The following EIF2AK1 variants were observed in gnomAD, a reference collection of about 807,000 sequenced individuals.
EIF2AK1 encodes eukaryotic translation initiation factor 2 alpha kinase 1.
A neutral mutation model predicts 77.9 loss-of-function variants in EIF2AK1; 54 were observed. The observed-to-expected ratio is 0.69, with a 90% CI of 0.56 to 0.87. The LOEUF is 0.87. EIF2AK1 is among the 40% of genes least tolerant of loss of function. The pLI is 0.00. For synonymous variants in EIF2AK1, 314 were observed against 290.5 expected (o/e 1.08, Z -0.82); for missense variants, 810 against 768.6 (o/e 1.05, Z -0.64).
At position 6,044,607 on chromosome 7, in the gene EIF2AK1, A is replaced by G. The variant is rs1278947660; in HGVS notation, c.685T>C (p.Tyr229His). ...ACATGTTCTATCCACGCGGTGTGAT[A>G]GCCAACAATATTGGGGTGCTGAAGA... is the stretch of plus-strand genomic sequence containing the variant. The part of the protein sequence containing the change: ...AGLQHPNIVG[Y>H]HTAWIEHVHV... The change falls in exon 7 of 15, where the codon TAT becomes CAT. Residue 229 changes from tyrosine (Y) to histidine (H), a missense_variant. Physicochemically the swap from Tyr to His is moderately conservative, Grantham distance 83. Coordinates refer to ENST00000199389, the MANE Select transcript of EIF2AK1 (RefSeq NM_014413.4). 6.2e-7 allele frequency: 1 copy of G among 1,614,008 alleles called. No individual in the cohort carries two copies. The highest frequency in any genetic ancestry group is 8.5e-7 in the Non-Finnish European group (1 of 1,180,016).
In EIF2AK1 at chr7:6,023,211, G is replaced by C; in HGVS notation, c.*1462C>G. Reference sequence around the variant, plus strand: ...ACACCCTTTCCCATGTCATCAGTCTGTGGTGTTTGGTGACTGTCCCCTTCC... The same window carrying C: ...ACACCCTTTCCCATGTCATCAGTCTCTGGTGTTTGGTGACTGTCCCCTTCC... On this transcript the variant is annotated 3_prime_UTR_variant, in exon 15 of 15. Coordinates refer to ENST00000199389, the MANE Select transcript of EIF2AK1 (RefSeq NM_014413.4). 7.2e-7 allele frequency: 1 copy of C among 1,389,258 alleles called. No homozygotes were observed. The highest frequency in any genetic ancestry group is 9.7e-7 in the Non-Finnish European group (1 of 1,033,614). The allele number at this position is 1,389,258 out of a possible 1,614,324, so 86.1% of individuals were successfully genotyped here.
rs530830725 is a variant in EIF2AK1, at chr7:6,044,579, T to C, written c.713A>G (p.His238Arg). 4.3e-6 allele frequency: 7 copies of C among 1,613,558 alleles called. No individual in the cohort carries two copies. The South Asian group carries it at 6.6e-5, about 15-fold the overall frequency. ...GYHTAWIEHV[H>R]VIQPRADRAA... is the part of the protein sequence containing the mutation. The stretch of plus-strand genomic sequence containing the variant: ...CGGCTTACCTCGTGGCTGAATCACA[T>C]GAACATGTTCTATCCACGCGGTGTG... Residue 238 changes from histidine (H) to arginine (R), a missense_variant, in exon 7 of 15, where the codon CAT becomes CGT. Physicochemically the swap from His to Arg is conservative, Grantham distance 29 (BLOSUM62 0). Around this residue, in one of 3 missense-constraint regions of EIF2AK1, gnomAD observed 549 missense variants for 533.7 expected, o/e 1.03. Transcript: ENST00000199389.
At position 6,059,114 on chromosome 7, in the gene EIF2AK1, C is replaced by T. The variant is rs1451575198; in HGVS notation, c.-31G>A. 1.5e-6 allele frequency: 2 copies of T among 1,331,142 alleles called. No homozygotes were observed. Among genetic ancestry groups the T allele is most frequent in the South Asian group, 1.8e-5 (1 of 57,038 alleles). 82.5% of individuals were successfully genotyped at this position (1,331,142 alleles called of 1,614,324 possible). ...GCCGCGCGCGGGCCGCAGCCCAGCC[C>T]GCCGGCCAGCCCAGCACTGCCACAC... is the stretch of plus-strand genomic sequence containing the variant. On this transcript the variant is annotated 5_prime_UTR_variant, in exon 1 of 15. Coordinates refer to ENST00000199389, the MANE Select transcript of EIF2AK1 (RefSeq NM_014413.4).
In EIF2AK1 at chr7:6,024,542, T is replaced by G; in HGVS notation, c.*131A>C. On this transcript the variant is annotated 3_prime_UTR_variant, in exon 15 of 15. Transcript: ENST00000199389. ...GGCAGGAAGGGAAGGAACGGCAGCT[T>G]GGGGCACTCTGACATCTTTAACAAG... The G allele has an allele frequency of 2.0e-6, 3 of 1,494,148 alleles. No individual in the cohort carries two copies. The highest frequency in any genetic ancestry group is 2.7e-6 in the Non-Finnish European group (3 of 1,129,260). 92.6% of individuals were successfully genotyped at this position (1,494,148 alleles called of 1,614,324 possible). A position where few individuals can be genotyped will look rare whatever the true frequency, so the allele number is the denominator to read the frequency against.
rs150021260 is a variant in EIF2AK1, at chr7:6,030,568, G to A, written c.1333-1536C>T. ...GGCTGGAGTGCAGTGGTGCCATCTCGGCTCACTGTAACCTCCACCTCTCAG... is the reference window on the plus strand; with the variant it reads ...GGCTGGAGTGCAGTGGTGCCATCTCAGCTCACTGTAACCTCCACCTCTCAG... On this transcript the variant is annotated intron_variant, in intron 11 of 14. Transcript: ENST00000199389. Among the ~76,000 whole-genome samples the A allele has an allele frequency of 9.2e-3, 1,401 of 152,158 alleles. 11 individuals carry two copies. The highest frequency in any genetic ancestry group is 0.014 in the Middle Eastern group (4 of 294).
intron 7 of EIF2AK1, among the ~76,000 whole-genome samples, chr7:6,044,314 A>G (rs1788384859): frequency 6.7e-6 from 1 of 150,098 alleles, no homozygotes; most frequent in African/African-American, 2.5e-5. Flanking sequence ...AAATACCAAA[A>G]AAAAAAGTTA....
chr7:6,056,553 G>A (rs1165107235), intron 1 of EIF2AK1, among the ~76,000 whole-genome samples: 2 of 132,940 alleles, frequency 1.5e-5, no homozygotes, highest in Non-Finnish European at 3.1e-5. Context: ...GAGATCGCGC[G>A]ACTGCACTCC....
chr7:6,040,862 A>T (rs749592535), intron 9 of EIF2AK1, 30 bp downstream of exon 9: 1 of 1,591,214 alleles, frequency 6.3e-7, no homozygotes, highest in South Asian at 1.1e-5. Flanking sequence ...AATACTGGCC[A>T]AATTAGGAGG....
chr7:6,041,405 G>A (rs1211335347), intron 8 of EIF2AK1, among the ~76,000 whole-genome samples, 186 bp from the exon 9 acceptor site: 1 of 152,000 alleles, frequency 6.6e-6, no homozygotes, highest in Middle Eastern at 3.2e-3. Context: ...CGGGTATGGT[G>A]GCATACGCCT....
intron 1 of EIF2AK1, among the ~76,000 whole-genome samples, chr7:6,056,628 A>ATATATATATATATATGTATATG (rs749747260): frequency 1.3e-5 from 1 of 75,938 alleles, no homozygotes; most frequent in Non-Finnish European, 2.6e-5. Context: ...ATATATATAT[A>ATATATATATATATATGTATATG]TATATATAAA....
rs57579824 is a variant in EIF2AK1, at chr7:6,045,733, T to TTATATATATATATATATA, written c.630+320_630+337dup. Among the ~76,000 whole-genome samples the TTATATATATATATATATA allele has an allele frequency of 1.9e-4, 26 of 138,036 alleles. 1 individual carries two copies. In the South Asian group the frequency reaches 2.6e-3, roughly 14 times the overall value. 90.6% of individuals were successfully genotyped at this position (138,036 alleles called of 152,430 possible). A position where few individuals can be genotyped will look rare whatever the true frequency, so the allele number is the denominator to read the frequency against. On this transcript the variant is annotated intron_variant, in intron 6 of 14. Coordinates refer to ENST00000199389, the MANE Select transcript of EIF2AK1 (RefSeq NM_014413.4). ...TTAAGAAGTTAACATATTTTAAAAA[T>TTATATATATATATATATA]TATATATATATATATATATAAATTA...
intron 2 of EIF2AK1, 140 bp downstream of exon 2, chr7:6,054,397 TTTCGTCATG>T: frequency 1.3e-6 from 1 of 750,048 alleles, no homozygotes; most frequent in Non-Finnish European, 2.1e-6. Context: ...AAAGAGGGGG[TTTCGTCATG>T]TTAGCCAAAC....
chr7:6,038,561 G>T lies in EIF2AK1; in HGVS notation c.1230C>A (p.Ala410=). Residue 410 remains alanine, a splice_region_variant and synonymous_variant, in exon 10 of 15, where the codon GCC becomes GCA. Transcript: ENST00000199389. The part of the protein sequence containing the change: ...KRGREYVDES[A]CPYVMANVAT... Reference sequence around the variant, plus strand: ...CCGGCAGACCCAGATGGTACTCACAGGCAGACTCGTCCACATACTCCCGGC... The same window carrying T: ...CCGGCAGACCCAGATGGTACTCACATGCAGACTCGTCCACATACTCCCGGC... 1 of 1,609,658 alleles carries T rather than the reference G, an allele frequency of 6.2e-7. No homozygotes were observed. Among genetic ancestry groups the T allele is most frequent in the South Asian group, 1.1e-5 (1 of 90,434 alleles).
chr7:6,024,183 T>C lies in EIF2AK1; in HGVS notation c.*490A>G, dbSNP rs1048047403. The C allele has an allele frequency of 1.6e-6, 2 of 1,263,960 alleles. No individual in the cohort carries two copies. Among genetic ancestry groups the C allele is most frequent in the African/African-American group, 3.1e-5 (2 of 64,910 alleles). 78.3% of individuals were successfully genotyped at this position (1,263,960 alleles called of 1,614,324 possible). On this transcript the variant is annotated 3_prime_UTR_variant, in exon 15 of 15. Coordinates refer to ENST00000199389, the MANE Select transcript of EIF2AK1 (RefSeq NM_014413.4). ...TGTACACTGTTAAGAAGTTGAGCTT[T>C]TATCTTAGAGGCAGCAGAAGGTTTG... is the stretch of plus-strand genomic sequence containing the variant.
chr7:6,042,031 C>T (rs1788313546), intron 8 of EIF2AK1, among the ~76,000 whole-genome samples: 3 of 152,048 alleles, frequency 2.0e-5, no homozygotes. Flanking sequence ...AGCTTGTAGT[C>T]CCAGCTACTC....
chr7:6,039,677 G>A (rs1788238848), intron 9 of EIF2AK1, among the ~76,000 whole-genome samples: 2 of 140,490 alleles, frequency 1.4e-5, no homozygotes, highest in Non-Finnish European at 3.2e-5. Flanking sequence ...GCTCATGCCT[G>A]TAATCCCAGC....
intron 9 of EIF2AK1, among the ~76,000 whole-genome samples, chr7:6,039,492 C>G (rs1176274148): frequency 6.6e-6 from 1 of 151,824 alleles, no homozygotes; most frequent in Non-Finnish European, 1.5e-5. Context: ...CGTAGTGGCG[C>G]GTGCCTGTAA....
chr7:6,026,622 C>G, intron 14 of EIF2AK1, 106 bp downstream of exon 14: 1 of 864,734 alleles, frequency 1.2e-6, no homozygotes, highest in Non-Finnish European at 1.9e-6. Flanking sequence ...CATCATCTGG[C>G]TCTTCCAGCC....
In EIF2AK1 at chr7:6,037,467, A is replaced by T. The variant is rs1353792643; in HGVS notation, c.1289T>A (p.Val430Glu). The T allele has an allele frequency of 1.2e-6, 2 of 1,613,446 alleles. No individual in the cohort carries two copies. Among genetic ancestry groups the T allele is most frequent in the African/African-American group, 2.7e-5 (2 of 74,858 alleles). ...TKIFQELVEGVFYIHNMGIVH... is the reference protein window; with the variant it reads ...TKIFQELVEGEFYIHNMGIVH... ...AATTCCCATGTTATGTATGTAAAAC[A>T]CACCTTCTACCAATTCTTGAAAAAT... Residue 430 changes from valine (V) to glutamate (E), a missense_variant, in exon 11 of 15, where the codon GTG becomes GAG. Val to Glu is a moderately radical substitution (Grantham distance 121). Transcript: ENST00000199389.
Sources: allele counts gnomAD v4.1 joint callset (sites outside exome capture counted in the v4.1 genomes callset), GRCh38; gene constraint gnomAD v4.1.1; regional missense constraint gnomAD v4.1.1; transcripts MANE v1.5; gene names NCBI Gene and HGNC (gene_info 2026-07-23, HGNC 2026-07-21).